The following WTAP variants were observed in gnomAD, a reference collection of about 807,000 sequenced individuals.
WTAP encodes WT1 associated protein.
Under a neutral mutation model 50.0 loss-of-function variants are expected in WTAP, and 8 were observed. That is an observed-to-expected ratio of 0.16 (90% CI 0.09 to 0.29). WTAP has a LOEUF of 0.29. Ranked by LOEUF, WTAP falls within the 10% of genes least tolerant of loss-of-function variation. The pLI is 1.00. For synonymous variants in WTAP, 194 were observed against 169.0 expected, an observed-to-expected ratio of 1.15 and a Z score of -1.15; for missense variants, 295 against 470.7, an observed-to-expected ratio of 0.63 and a Z score of 3.45.
At position 159,755,357 on chromosome 6, in the gene WTAP, T is replaced by A; in HGVS notation, c.937T>A (p.Ser313Thr). The change falls in exon 8 of 8, where the codon TCC (serine) becomes ACC (threonine). Residue 313 changes from serine (S) to threonine (T), a missense_variant. Physicochemically the swap from Ser to Thr is moderately conservative, Grantham distance 58. Coordinates refer to ENST00000621533, the MANE Select transcript of WTAP (RefSeq NM_001270531.2). ...FPSSPGNGNK[S>T]SNSSEERTGR... The stretch of plus-strand genomic sequence containing the variant: ...TTCTTCTCCAGGGAATGGTAATAAG[T>A]CCTCCAACAGCTCAGAGGAGAGAAC... 6.2e-7 allele frequency: 1 copy of A among 1,614,152 alleles called. No homozygotes were observed. Among genetic ancestry groups the A allele is most frequent in the Non-Finnish European group, 8.5e-7 (1 of 1,180,040 alleles).
chr6:159,753,569 G>C lies in WTAP; in HGVS notation c.562G>C (p.Ala188Pro). 1 of 1,614,168 alleles carries C rather than the reference G, an allele frequency of 6.2e-7. No individual in the cohort carries two copies. Among genetic ancestry groups the C allele is most frequent in the Non-Finnish European group, 8.5e-7 (1 of 1,180,012 alleles). The change falls in exon 7 of 8, where the codon GCT becomes CCT. Residue 188 changes from alanine (A) to proline (P), a missense_variant. Transcript: ENST00000621533. Reference protein sequence around the residue: ...GRIAQLEAELALQKKYSEELK... With the variant: ...GRIAQLEAELPLQKKYSEELK... ...TATTGCACAACTTGAAGCAGAGTTG[G>C]CTTTACAGAAGAAATACAGTGAGGA...
chr6:159,744,267 TA>T (rs1334196027), intron 5 of WTAP, among the ~76,000 whole-genome samples: 9 of 152,240 alleles, frequency 5.9e-5, no homozygotes, highest in African/African-American at 2.2e-4. Context: ...TAGTATTTAC[TA>T]TGTCTACGTA....
Position 159,755,765 on chromosome 6 carries a change from CTTTTTTTT to C in WTAP, c.*172_*179del. Reference sequence around the variant, plus strand: ...TTTTTCTTTGTTTTTTTTTTCTTTTCTTTTTTTTTTTTTTTTTTTTTTTTTGCTTCAAT... The same window carrying C: ...TTTTTCTTTGTTTTTTTTTTCTTTTCTTTTTTTTTTTTTTTTTGCTTCAAT... On this transcript the variant is annotated 3_prime_UTR_variant, in exon 8 of 8. Coordinates refer to ENST00000621533, the MANE Select transcript of WTAP (RefSeq NM_001270531.2). 8.8e-4 allele frequency: 153 copies of C among 173,308 alleles called. No homozygotes were observed. Among genetic ancestry groups the C allele is most frequent in the African/African-American group, 2.3e-3 (26 of 11,438 alleles). 10.7% of individuals were successfully genotyped at this position (173,308 alleles called of 1,614,324 possible).
chr6:159,728,823 A>G (rs981157583), intron 1 of WTAP, among the ~76,000 whole-genome samples: 2 of 152,192 alleles, frequency 1.3e-5, no homozygotes, highest in Non-Finnish European at 2.9e-5. Context: ...GTGCTTTTAT[A>G]TGTTAAGGTA....
intron 6 of WTAP, among the ~76,000 whole-genome samples, chr6:159,749,589 A>G (rs1287546973): frequency 6.6e-6 from 1 of 152,182 alleles, no homozygotes; most frequent in Non-Finnish European, 1.5e-5. Context: ...TCATTTTTAA[A>G]AGACCTACAT....
At chr6:159,740,075 C>T (rs1779158379) in intron 3 of WTAP, among the ~76,000 whole-genome samples, 1 of 151,808 alleles carries the variant, frequency 6.6e-6, no homozygotes, top group Admixed American at 6.6e-5. Flanking sequence ...GAATGCCTGG[C>T]CTGAAGTGAT....
At chr6:159,743,887 T>C (rs1158320300) in intron 5 of WTAP, 95 bp downstream of exon 5, 7 of 1,307,466 alleles carry the variant, frequency 5.4e-6, no homozygotes, top group Non-Finnish European at 7.1e-6. Context: ...ATGCTAAATA[T>C]AAGAGCTTAT....
At chr6:159,733,619 C>CAAAA (rs572744439) in intron 1 of WTAP, among the ~76,000 whole-genome samples, 1 of 112,374 alleles carries the variant, frequency 8.9e-6, no homozygotes, top group Non-Finnish European at 1.9e-5. Context: ...GAGACTGTCT[C>CAAAA]AAAAAAAAAA....
upstream of WTAP, chr6:159,727,113 C>T (rs1778214785): frequency 1.1e-5 from 13 of 1,193,728 alleles, no homozygotes; most frequent in South Asian, 1.8e-4. Flanking sequence ...CCCCTCCCCT[C>T]GGCCGCTTCC....
intron 2 of WTAP, 104 bp downstream of exon 2, chr6:159,736,399 C>G: frequency 2.2e-6 from 2 of 929,942 alleles, no homozygotes; most frequent in South Asian, 3.0e-5. Context: ...TCGTTGTTTG[C>G]TTATTTTTCA....
At position 159,732,886 on chromosome 6, in the gene WTAP, A is replaced by AGTGTGTGTGTGTGTGT. The variant is rs67554039; in HGVS notation, c.-8-3355_-8-3340dup. 7.9e-3 allele frequency among the ~76,000 whole-genome samples: 1,150 copies of AGTGTGTGTGTGTGTGT among 146,450 alleles called. 18 individuals carry two copies. Among genetic ancestry groups the AGTGTGTGTGTGTGTGT allele is most frequent in the African/African-American group, 0.026 (994 of 38,362 alleles). Reference sequence around the variant, plus strand: ...TCTCTCTCTCTCTGTATATATATATAGTGTGTGTGTGTGTGTGTGTGTGTG... The same window carrying AGTGTGTGTGTGTGTGT: ...TCTCTCTCTCTCTGTATATATATATAGTGTGTGTGTGTGTGTGTGTGTGTGTGTGTGTGTGTGTGTG... On this transcript the variant is annotated intron_variant, in intron 1 of 7. Transcript: ENST00000621533.
At chr6:159,729,135 A>G (rs1025100603) in intron 1 of WTAP, among the ~76,000 whole-genome samples, 2 of 152,238 alleles carry the variant, frequency 1.3e-5, no homozygotes, top group Non-Finnish European at 2.9e-5. Context: ...TGTACAGTAC[A>G]TTAAAGCGTT....
chr6:159,745,226 CG>C (rs1317624629), intron 5 of WTAP: 1 of 152,102 alleles, frequency 6.6e-6, no homozygotes, highest in African/African-American at 2.4e-5. Flanking sequence ...ATTTCTCTTC[CG>C]GATTCCTACT....
In WTAP at chr6:159,755,778, T is replaced by TC; in HGVS notation, c.*167_*168insC. The TC allele has an allele frequency of 1.9e-6, 2 of 1,045,828 alleles. No individual in the cohort carries two copies. Among genetic ancestry groups the TC allele is most frequent in the Non-Finnish European group, 2.4e-6 (2 of 817,368 alleles). The allele number at this position is 1,045,828 out of a possible 1,614,324, so 64.8% of individuals were successfully genotyped here. ...TTTTTTTCTTTTCTTTTTTTTTTTT[T>TC]TTTTTTTTTTTTGCTTCAATACTTC... On this transcript the variant is annotated 3_prime_UTR_variant, in exon 8 of 8. Transcript: ENST00000621533.
In WTAP at chr6:159,756,136, T is replaced by C. The variant is rs969191113; in HGVS notation, c.*525T>C. ...GTCCTGTAGTAGTTTCAGTGTTAGA[T>C]ACAGTTTTTTCCACCATACATCTGT... On this transcript the variant is annotated 3_prime_UTR_variant, in exon 8 of 8. Coordinates refer to ENST00000621533, the MANE Select transcript of WTAP (RefSeq NM_001270531.2). The C allele has an allele frequency of 6.5e-6, 1 of 153,156 alleles. No individual in the cohort carries two copies. Among genetic ancestry groups the C allele is most frequent in the Non-Finnish European group, 1.5e-5 (1 of 68,416 alleles). The allele number at this position is 153,156 out of a possible 1,614,324, so 9.5% of individuals were successfully genotyped here.
intron 5 of WTAP, among the ~76,000 whole-genome samples, chr6:159,746,531 A>C (rs1346533184): frequency 6.6e-6 from 1 of 152,146 alleles, no homozygotes; most frequent in Non-Finnish European, 1.5e-5. Context: ...TGATCTTTTA[A>C]TAATAATGCT....
chr6:159,752,213 C>T (rs950839406), intron 6 of WTAP, among the ~76,000 whole-genome samples: 2 of 152,152 alleles, frequency 1.3e-5, no homozygotes, highest in African/African-American at 4.8e-5. Context: ...GAAGGAAAGA[C>T]TAGAATTTAA....
intron 1 of WTAP, among the ~76,000 whole-genome samples, chr6:159,730,350 C>T (rs890236172): frequency 6.6e-6 from 1 of 151,998 alleles, no homozygotes; most frequent in African/African-American, 2.4e-5. Flanking sequence ...TTTTCTGATA[C>T]GAGAATAGAT....
upstream of WTAP, chr6:159,727,185 G>A (rs974741893): frequency 1.6e-6 from 2 of 1,224,358 alleles, no homozygotes; most frequent in Non-Finnish European, 2.1e-6. Flanking sequence ...GGGAAAGGAC[G>A]GGGAGTGTTA....
Sources: allele counts gnomAD v4.1 joint callset (sites outside exome capture counted in the v4.1 genomes callset), GRCh38; gene constraint gnomAD v4.1.1; transcripts MANE v1.5; gene names NCBI Gene and HGNC (gene_info 2026-07-23, HGNC 2026-07-21).